GALNT17: variants seen among roughly 807,000 people sequenced by gnomAD.
GALNT17 encodes the protein polypeptide N-acetylgalactosaminyltransferase 17.
A neutral mutation model predicts 63.7 loss-of-function variants in GALNT17; 29 were observed. The ratio of observed to expected loss-of-function variants is 0.46; its 90% CI spans 0.34 to 0.62. The LOEUF (loss-of-function observed/expected upper bound fraction) is 0.62. Among genes scored for constraint, GALNT17 ranks in the 20% least tolerant of loss-of-function variants. The probability of loss-of-function intolerance (pLI) is 0.01; values close to 1 mark genes in which losing one functional copy is unlikely to be tolerated. For synonymous variants in GALNT17, 305 were observed against 318.3 expected (o/e 0.96, Z 0.45); for missense variants, 603 against 799.6 (o/e 0.75, Z 2.97).
rs547045511 is a variant in GALNT17 at position 71,259,009 on chromosome 7, T to C, written c.239-76541T>C. Among the ~76,000 whole-genome samples, 321 of 152,282 alleles carry C rather than the reference T, an allele frequency of 2.1e-3. 3 individuals are homozygous for C. The highest frequency in any genetic ancestry group is 2.3e-3 in the Non-Finnish European group (155 of 68,022). On this transcript the variant is annotated intron_variant, in intron 1 of 10. Transcript: ENST00000333538. ...GGTATGTGTATATGGGGGATGAGGC[T>C]GGAGAGGGGACCTCTTCTAGTTGTT...
At chr7:71,223,072 C>A (rs538164156) in intron 1 of GALNT17, among the ~76,000 whole-genome samples, 8 of 152,170 alleles carry the variant, frequency 5.3e-5, no homozygotes, top group African/African-American at 1.7e-4. Flanking sequence ...GACCACCTGT[C>A]CCCCTACCCC....
At chr7:71,437,893 TGTAGAAGTAGG>T (rs774270521) in intron 5 of GALNT17, among the ~76,000 whole-genome samples, 8 of 152,106 alleles carry the variant, frequency 5.3e-5, no homozygotes, top group Admixed American at 2.0e-4. Context: ...TTTTATTTTT[TGTAGAAGTAGG>T]GTCTTGCTAT....
Position 71,353,982 on chromosome 7 carries a change from A to C in GALNT17, c.422+18249A>C, listed in dbSNP as rs116312525. Among the ~76,000 whole-genome samples, 691 of 152,258 alleles carry C rather than the reference A, an allele frequency of 4.5e-3. 5 individuals carry two copies. The highest frequency in any genetic ancestry group is 0.016 in the African/African-American group (664 of 41,552). ...TGTGGCGGAAGATGAAGGGGAAGAA[A>C]GGTTTCTCACATGGTGGGAGCAGGA... On this transcript the variant is annotated intron_variant, in intron 2 of 10. Transcript: ENST00000333538.
chr7:71,501,297 T>A (rs1481660793), intron 5 of GALNT17, among the ~76,000 whole-genome samples: 1 of 150,566 alleles, frequency 6.6e-6, no homozygotes, highest in Non-Finnish European at 1.5e-5. Context: ...CAGGGTCTCT[T>A]TCTGTCATCC....
At chr7:71,442,358 G>T (rs1369310129) in intron 5 of GALNT17, among the ~76,000 whole-genome samples, 1 of 151,964 alleles carries the variant, frequency 6.6e-6, no homozygotes, top group African/African-American at 2.4e-5. Flanking sequence ...CACCATGCCC[G>T]GCTAATTTTT....
chr7:71,159,788 T>G (rs1231121048), intron 1 of GALNT17, among the ~76,000 whole-genome samples: 3 of 150,770 alleles, frequency 2.0e-5, no homozygotes, highest in Non-Finnish European at 2.9e-5. Flanking sequence ...ATTATTATTT[T>G]GGGTTTTTTT....
At chr7:71,412,230 G>A (rs748204647) in intron 3 of GALNT17, among the ~76,000 whole-genome samples, 4 of 152,014 alleles carry the variant, frequency 2.6e-5, no homozygotes, top group South Asian at 2.1e-4. Context: ...GCTTGAGCCC[G>A]GGAGGTCGAG....
Position 71,388,230 on chromosome 7 carries a change from C to T in GALNT17, c.423-5C>T. 6.2e-7 allele frequency: 1 copy of T among 1,612,642 alleles called. No homozygotes were observed. Among genetic ancestry groups the T allele is most frequent in the Non-Finnish European group, 8.5e-7 (1 of 1,179,116 alleles). On this transcript the variant is annotated splice_polypyrimidine_tract_variant and splice_region_variant and intron_variant, in intron 2 of 10. Coordinates refer to ENST00000333538, the MANE Select transcript of GALNT17 (RefSeq NM_022479.3). ...ACTCTGCATTTCCGATCTCTCCTTCCCCAGGTGTAAGGAGCTCAAGTACTC... is the reference window on the plus strand; with the variant it reads ...ACTCTGCATTTCCGATCTCTCCTTCTCCAGGTGTAAGGAGCTCAAGTACTC...
chr7:71,354,522 C>T (rs1792247473), intron 2 of GALNT17, among the ~76,000 whole-genome samples: 1 of 152,030 alleles, frequency 6.6e-6, no homozygotes, highest in Non-Finnish European at 1.5e-5. Context: ...AAATATTTTG[C>T]ATTATAATAG....
chr7:71,574,020 A>C (rs1222756281), intron 6 of GALNT17, among the ~76,000 whole-genome samples: 1 of 152,162 alleles, frequency 6.6e-6, no homozygotes, highest in African/African-American at 2.4e-5. Context: ...GCAGTATTCC[A>C]TTGCGTACAT....
chr7:71,570,872 G>A (rs183911880), intron 5 of GALNT17, among the ~76,000 whole-genome samples: 351 of 152,260 alleles, frequency 2.3e-3, no homozygotes, highest in African/African-American at 5.3e-3. Flanking sequence ...CAGCTACTCA[G>A]GGGGTTGAGG....
At chr7:71,231,547 CT>C (rs1789788652) in intron 1 of GALNT17, among the ~76,000 whole-genome samples, 2 of 152,160 alleles carry the variant, frequency 1.3e-5, no homozygotes, top group South Asian at 4.2e-4. Context: ...CGACAGACAT[CT>C]TTTTCCCCCA....
chr7:71,212,467 C>G (rs1789399326), intron 1 of GALNT17, among the ~76,000 whole-genome samples: 1 of 152,194 alleles, frequency 6.6e-6, no homozygotes, highest in Non-Finnish European at 1.5e-5. Context: ...GTTGGAGCCC[C>G]CACACAGAGT....
chr7:71,195,003 G>T (rs1789020394), intron 1 of GALNT17, among the ~76,000 whole-genome samples: 1 of 152,170 alleles, frequency 6.6e-6, no homozygotes, highest in African/African-American at 2.4e-5. Flanking sequence ...CTAGCACCTA[G>T]CTTTGGCCAG....
intron 1 of GALNT17, among the ~76,000 whole-genome samples, chr7:71,245,644 G>C (rs189606227): frequency 1.3e-5 from 2 of 152,284 alleles, no homozygotes; most frequent in Admixed American, 6.5e-5. Context: ...GACTGAACTG[G>C]TTTAGATTTT....
chr7:71,432,769 G>A (rs1054294981), intron 5 of GALNT17, among the ~76,000 whole-genome samples: 7 of 152,126 alleles, frequency 4.6e-5, no homozygotes, highest in African/African-American at 1.7e-4. Context: ...GGAGTTCAAG[G>A]CCAGCTTGGA....
intron 6 of GALNT17, among the ~76,000 whole-genome samples, chr7:71,652,851 G>A (rs900331852): frequency 1.2e-4 from 19 of 152,174 alleles, no homozygotes; most frequent in East Asian, 1.2e-3. Flanking sequence ...GCCATAGCTC[G>A]CCCATCTGGC....
chr7:71,686,359 C>A (rs1584138152), intron 9 of GALNT17, among the ~76,000 whole-genome samples: 1 of 151,758 alleles, frequency 6.6e-6, no homozygotes, highest in African/African-American at 2.4e-5. Context: ...TCCCCTGAAC[C>A]TCTGCCCACA....
At chr7:71,340,249 T>G (rs1387820727) in intron 2 of GALNT17, among the ~76,000 whole-genome samples, 1 of 152,204 alleles carries the variant, frequency 6.6e-6, no homozygotes, top group East Asian at 1.9e-4. Context: ...CCCTTTCTCA[T>G]CTGGCAGAAT....
Sources: allele counts gnomAD v4.1 joint callset (sites outside exome capture counted in the v4.1 genomes callset), GRCh38; gene constraint gnomAD v4.1.1; transcripts MANE v1.5; gene names NCBI Gene and HGNC (gene_info 2026-07-23, HGNC 2026-07-21).